The following BLTP1 variants were observed in gnomAD, a reference collection of about 807,000 sequenced individuals.
BLTP1 encodes bridge-like lipid transfer protein family member 1, also known as fragile site-associated protein.
the BLTP1 span, among the ~76,000 whole-genome samples, chr4:122,165,615 A>G: frequency 2.3e-5 from 3 of 127,872 alleles, no homozygotes; most frequent in Non-Finnish European, 3.5e-5. Flanking sequence ...GTCAAATGGT[A>G]TTTCTAGTTC....
At chr4:122,223,316 C>G in the BLTP1 span, among the ~76,000 whole-genome samples, 2 of 152,060 alleles carry the variant, frequency 1.3e-5, no homozygotes, top group African/African-American at 4.8e-5. Context: ...GTGAGATAGC[C>G]TAGACATACA....
At chr4:122,236,774 T>A in the BLTP1 span, 1 of 968,372 alleles carries the variant, frequency 1.0e-6, no homozygotes, top group Non-Finnish European at 1.2e-6. Flanking sequence ...AAAATTCTTA[T>A]AATGTGTAAT....
At chr4:122,349,132 A>T in the BLTP1 span, 1 of 1,589,768 alleles carries the variant, frequency 6.3e-7, no homozygotes. The surrounding 1 kb of genome is among the most constrained non-coding windows in gnomAD (Gnocchi z 4.5). Context: ...AGCTATATAT[A>T]TAATAACCTT....
At chr4:122,329,087 C>T in the BLTP1 span, among the ~76,000 whole-genome samples, 1 of 151,716 alleles carries the variant, frequency 6.6e-6, no homozygotes, top group Non-Finnish European at 1.5e-5. Context: ...CTGCTGAATC[C>T]CATACATCAG....
At chr4:122,341,702 A>T in the BLTP1 span, 1 of 985,060 alleles carries the variant, frequency 1.0e-6, no homozygotes, top group Non-Finnish European at 1.2e-6. Context: ...CATTCTTTCA[A>T]AGGATCTTTA....
chr4:122,344,874 AAATGCTT>A, the BLTP1 span: 2 of 984,872 alleles, frequency 2.0e-6, no homozygotes, highest in Non-Finnish European at 2.4e-6. Flanking sequence ...TTCTAATTGT[AAATGCTT>A]AAAACACTAA....
At chr4:122,187,715 A>AGTTAAAATTCTTTAAGTACT in the BLTP1 span, 1 of 478,718 alleles carries the variant, frequency 2.1e-6, no homozygotes, top group Non-Finnish European at 2.7e-6. Context: ...TAAGTACTTA[A>AGTTAAAATTCTTTAAGTACT]ATTTTCTTTT....
the BLTP1 span, chr4:122,189,263 T>G: frequency 1.0e-6 from 1 of 953,282 alleles, no homozygotes; most frequent in South Asian, 4.9e-5. Context: ...GCATTTAATA[T>G]CATCTAATGA....
At chr4:122,174,476 A>T in the BLTP1 span, 2 of 1,520,740 alleles carry the variant, frequency 1.3e-6, no homozygotes, top group South Asian at 2.5e-5. Flanking sequence ...AGAGATGCTT[A>T]TTGAATAAAT....
chr4:122,220,900 C>G, the BLTP1 span, among the ~76,000 whole-genome samples: 1 of 152,094 alleles, frequency 6.6e-6, no homozygotes, highest in Admixed American at 6.6e-5. Context: ...ACATAAGATA[C>G]TTTGTTAATT....
the BLTP1 span, among the ~76,000 whole-genome samples, chr4:122,359,064 AT>A: frequency 1.3e-5 from 2 of 150,798 alleles, no homozygotes; most frequent in Non-Finnish European, 2.9e-5. Context: ...TGTGAATTAT[AT>A]CTCAAAGCTG....
At chr4:122,165,642 C>T in the BLTP1 span, among the ~76,000 whole-genome samples, 283 of 128,338 alleles carry the variant, frequency 2.2e-3, 43 homozygotes, top group Middle Eastern at 0.014. Context: ...CCTGAGGAAT[C>T]GCCACACTGA....
chr4:122,217,416 G>A, the BLTP1 span, among the ~76,000 whole-genome samples: 1 of 151,580 alleles, frequency 6.6e-6, no homozygotes, highest in Non-Finnish European at 1.5e-5. Flanking sequence ...ATTTTAATGG[G>A]AATTGCAATT....
At chr4:122,164,496 A>G in the BLTP1 span, 3 of 809,076 alleles carry the variant, frequency 3.7e-6, no homozygotes, top group Non-Finnish European at 4.5e-6. Context: ...AATATCACAG[A>G]AGTGAGACTG....
At chr4:122,291,625 G>C in the BLTP1 span, 3 of 556,564 alleles carry the variant, frequency 5.4e-6, no homozygotes, top group African/African-American at 6.2e-5. Flanking sequence ...AGAATGCTTG[G>C]GTTTCAGAAA....
At chr4:122,313,643 G>T in the BLTP1 span, 1 of 1,587,660 alleles carries the variant, frequency 6.3e-7, no homozygotes, top group Non-Finnish European at 8.6e-7. Flanking sequence ...GTTCCAGATG[G>T]CACCTATGAA....
chr4:122,301,731 G>C, the BLTP1 span, among the ~76,000 whole-genome samples: 1 of 152,048 alleles, frequency 6.6e-6, no homozygotes, highest in African/African-American at 2.4e-5. Flanking sequence ...CCCTTCTGAC[G>C]AACATTTTGT....
chr4:122,158,887 G>A, the BLTP1 span, among the ~76,000 whole-genome samples: 3 of 152,202 alleles, frequency 2.0e-5, no homozygotes, highest in African/African-American at 2.4e-5. Context: ...TGGGTGATAT[G>A]ACTTCTTAGA....
chr4:122,247,112 GTAT>G, the BLTP1 span: 1 of 1,565,070 alleles, frequency 6.4e-7, no homozygotes, highest in Non-Finnish European at 8.8e-7. Flanking sequence ...TCTCTGAACT[GTAT>G]TATTTAAATG....
Sources: allele counts gnomAD v4.1 joint callset (sites outside exome capture counted in the v4.1 genomes callset), GRCh38; gene constraint gnomAD v4.1.1; non-coding constraint Gnocchi (gnomAD v3.1); transcripts MANE v1.5; gene names NCBI Gene and HGNC (gene_info 2026-07-23, HGNC 2026-07-21).